The following PABPC4L variants were observed in gnomAD, a reference collection of about 807,000 sequenced individuals.
The protein encoded by PABPC4L is poly(A) binding protein cytoplasmic 4 like.
For synonymous variants in PABPC4L, 169 were observed against 164.1 expected (o/e 1.03, Z -0.23); for missense variants, 452 against 451.4 (o/e 1.00, Z -0.01).
chr4:134,188,519 G>C, the PABPC4L span, among the ~76,000 whole-genome samples: 4 of 151,786 alleles, frequency 2.6e-5, no homozygotes, highest in African/African-American at 9.7e-5. Context: ...ATTTTTTTTG[G>C]TTTGAGGAAG....
the PABPC4L span, among the ~76,000 whole-genome samples, chr4:134,067,789 G>C: frequency 1.3e-5 from 2 of 152,096 alleles, no homozygotes; most frequent in Non-Finnish European, 2.9e-5. Flanking sequence ...TTGTCCAAAA[G>C]TCATTCAAGA....
chr4:134,062,366 T>C, the PABPC4L span, among the ~76,000 whole-genome samples: 11 of 152,044 alleles, frequency 7.2e-5, no homozygotes, highest in Non-Finnish European at 8.8e-5. Flanking sequence ...TACTCTTTTC[T>C]AAACTGACCT....
the PABPC4L span, among the ~76,000 whole-genome samples, chr4:134,087,999 G>A: frequency 1.3e-5 from 2 of 152,000 alleles, no homozygotes; most frequent in African/African-American, 4.8e-5. Context: ...AGTGTATAAA[G>A]CCTGACTGTT....
the PABPC4L span, among the ~76,000 whole-genome samples, chr4:134,131,154 C>G: frequency 6.6e-6 from 1 of 152,010 alleles, no homozygotes; most frequent in Non-Finnish European, 1.5e-5. Flanking sequence ...CAAACTTCCA[C>G]CACTTGCATT....
the PABPC4L span, among the ~76,000 whole-genome samples, chr4:134,065,040 A>AGTT: frequency 6.6e-6 from 1 of 152,082 alleles, no homozygotes; most frequent in African/African-American, 2.4e-5. Flanking sequence ...TATTGTGAAT[A>AGTT]GTGCAGTGAT....
In PABPC4L at chr4:134,197,644, C is replaced by A. The variant is rs1237124158; in HGVS notation, c.*2263G>T. 2 of 151,664 alleles carry A rather than the reference C, an allele frequency of 1.3e-5. No homozygotes were observed. The highest frequency in any genetic ancestry group is 1.9e-4 in the East Asian group (1 of 5,194). 9.4% of individuals were successfully genotyped at this position (151,664 alleles called of 1,614,324 possible). A position where few individuals can be genotyped will look rare whatever the true frequency, so the allele number is the denominator to read the frequency against. On this transcript the variant is annotated 3_prime_UTR_variant, in exon 2 of 2. Transcript: ENST00000421491. The stretch of plus-strand genomic sequence containing the variant: ...CCCCAACAGGAAAATAAATTATGAT[C>A]ATGAGACATTAACTTATAAGTATGA...
the PABPC4L span, among the ~76,000 whole-genome samples, chr4:133,953,564 C>T: frequency 6.6e-6 from 1 of 152,152 alleles, no homozygotes. Flanking sequence ...TGCAGAAACT[C>T]AGAGGGAGTC....
At chr4:134,129,839 C>T in the PABPC4L span, among the ~76,000 whole-genome samples, 12 of 151,570 alleles carry the variant, frequency 7.9e-5, no homozygotes, top group African/African-American at 1.5e-4. Flanking sequence ...GAGGCCAAGG[C>T]GGGGGAAATC....
chr4:134,015,151 C>T, the PABPC4L span, among the ~76,000 whole-genome samples: 1 of 152,128 alleles, frequency 6.6e-6, no homozygotes, highest in Non-Finnish European at 1.5e-5. Flanking sequence ...CTGCTCAATG[C>T]CAATATCCCA....
the PABPC4L span, among the ~76,000 whole-genome samples, chr4:134,065,243 C>A: frequency 7.9e-5 from 12 of 152,072 alleles, no homozygotes; most frequent in Admixed American, 7.2e-4. Flanking sequence ...TTCTCTACAA[C>A]CTCCCCAACA....
chr4:134,001,781 T>A, the PABPC4L span, among the ~76,000 whole-genome samples: 1 of 152,078 alleles, frequency 6.6e-6, no homozygotes, highest in Non-Finnish European at 1.5e-5. Flanking sequence ...CCTTATATAG[T>A]AAAAAGACAT....
chr4:134,064,768 T>C, the PABPC4L span, among the ~76,000 whole-genome samples: 368 of 152,146 alleles, frequency 2.4e-3, 2 homozygotes, highest in African/African-American at 8.5e-3. Flanking sequence ...CACCCTCTAG[T>C]AGGCCCAGTG....
At chr4:134,022,988 T>A in the PABPC4L span, among the ~76,000 whole-genome samples, 1 of 130,426 alleles carries the variant, frequency 7.7e-6, no homozygotes, top group Non-Finnish European at 1.5e-5. Context: ...AAAGAAAAAT[T>A]AAGGGGGAAA....
the PABPC4L span, among the ~76,000 whole-genome samples, chr4:134,121,514 T>C: frequency 2.4e-4 from 36 of 151,796 alleles, no homozygotes; most frequent in Non-Finnish European, 4.3e-4. Flanking sequence ...ATTTAAAGTT[T>C]ATAAATACTA....
chr4:134,091,303 T>A, the PABPC4L span, among the ~76,000 whole-genome samples: 1 of 152,036 alleles, frequency 6.6e-6, no homozygotes, highest in Admixed American at 6.6e-5. Flanking sequence ...ATGGGCAGTT[T>A]TTTTTTTATA....
chr4:134,040,468 C>A, the PABPC4L span, among the ~76,000 whole-genome samples: 11 of 152,064 alleles, frequency 7.2e-5, no homozygotes, highest in Non-Finnish European at 1.2e-4. Flanking sequence ...CAAAAACAAG[C>A]AATGGGGAAA....
the PABPC4L span, among the ~76,000 whole-genome samples, chr4:134,128,455 C>T: frequency 6.6e-6 from 1 of 152,274 alleles, no homozygotes; most frequent in East Asian, 1.9e-4. Context: ...CTGCAGATTT[C>T]TCAGCAGAAA....
Position 134,198,512 on chromosome 4 carries a change from T to C in PABPC4L, c.*1395A>G, listed in dbSNP as rs1729736512. Reference sequence around the variant, plus strand: ...TCTTTTATATTAGTAATATATGAAATAGAGAATGTGAATAATAGTTATGAG... The same window carrying C: ...TCTTTTATATTAGTAATATATGAAACAGAGAATGTGAATAATAGTTATGAG... On this transcript the variant is annotated 3_prime_UTR_variant, in exon 2 of 2. Transcript: ENST00000421491. 2 of 148,660 alleles carry C rather than the reference T, an allele frequency of 1.3e-5. No individual in the cohort carries two copies. The highest frequency in any genetic ancestry group is 5.0e-5 in the African/African-American group (2 of 40,004). The allele number at this position is 148,660 out of a possible 1,614,324, so 9.2% of individuals were successfully genotyped here. A position where few individuals can be genotyped will look rare whatever the true frequency, so the allele number is the denominator to read the frequency against.
At chr4:133,976,808 G>A in the PABPC4L span, among the ~76,000 whole-genome samples, 1 of 152,056 alleles carries the variant, frequency 6.6e-6, no homozygotes, top group African/African-American at 2.4e-5. Flanking sequence ...TAATGGGGTT[G>A]TTTGTTTATT....
Sources: allele counts gnomAD v4.1 joint callset (sites outside exome capture counted in the v4.1 genomes callset), GRCh38; gene constraint gnomAD v4.1.1; transcripts MANE v1.5; gene names NCBI Gene and HGNC (gene_info 2026-07-23, HGNC 2026-07-21).